Variants in ACMSD observed in about 807,000 individuals in gnomAD.
The protein encoded by ACMSD is aminocarboxymuconate semialdehyde decarboxylase.
In ACMSD, 37 loss-of-function variants were observed where a neutral mutation model predicts 45.9. That is an observed-to-expected ratio of 0.81 (90% CI 0.62 to 1.06). The LOEUF is 1.06. ACMSD is among the 50% of genes least tolerant of loss of function. The pLI is 0.00. For synonymous variants in ACMSD, 138 were observed against 148.8 expected (o/e 0.93, Z 0.53); for missense variants, 434 against 420.9 (o/e 1.03, Z -0.27).
chr2:134,868,862 A>G (rs1688270444), intron 6 of ACMSD: 1 of 152,198 alleles, frequency 6.6e-6, no homozygotes, highest in South Asian at 2.1e-4. Flanking sequence ...TAAATGGGGC[A>G]ATATATTGGA....
intron 2 of ACMSD, among the ~76,000 whole-genome samples, chr2:134,850,936 C>T (rs1431269963): frequency 6.6e-6 from 1 of 152,154 alleles, no homozygotes; most frequent in Non-Finnish European, 1.5e-5. Context: ...TTTCTCAGGC[C>T]TTGTCTCCTC....
intron 8 of ACMSD, among the ~76,000 whole-genome samples, chr2:134,874,363 T>A (rs1688624630): frequency 6.6e-6 from 1 of 152,210 alleles, no homozygotes; most frequent in Admixed American, 6.5e-5. Flanking sequence ...CGGTATATAT[T>A]AATAATTTAG....
At chr2:134,838,862 T>A (rs1686654613) in intron 1 of ACMSD, 123 bp downstream of exon 1, 1 of 609,562 alleles carries the variant, frequency 1.6e-6, no homozygotes. Context: ...GGGGGTTAAA[T>A]CATTTGGTAG....
intron 8 of ACMSD, among the ~76,000 whole-genome samples, chr2:134,895,948 T>C (rs1573730377): frequency 6.6e-6 from 1 of 152,096 alleles, no homozygotes; most frequent in East Asian, 1.9e-4. Context: ...TTCAAAACTT[T>C]CTACACAACT....
At chr2:134,859,612 TTTA>T (rs1687753626) in intron 3 of ACMSD, 1 of 321,664 alleles carries the variant, frequency 3.1e-6, no homozygotes, top group Non-Finnish European at 5.6e-6. Flanking sequence ...AAAATGGCAT[TTTA>T]TTATTTTTAA....
At chr2:134,855,212 C>T (rs1687525610) in intron 2 of ACMSD, among the ~76,000 whole-genome samples, 2 of 152,132 alleles carry the variant, frequency 1.3e-5, no homozygotes, top group South Asian at 4.1e-4. Flanking sequence ...ATTTTAAGCC[C>T]CTCAAGAACT....
chr2:134,863,692 TG>T (rs971403638), intron 5 of ACMSD, 61 bp downstream of exon 5: 42 of 1,560,760 alleles, frequency 2.7e-5, no homozygotes, highest in Admixed American at 6.8e-5. Context: ...GGGGCACCGC[TG>T]GGTGCTGGCA....
chr2:134,889,640 G>T (rs1206753063), intron 8 of ACMSD, among the ~76,000 whole-genome samples: 1 of 152,124 alleles, frequency 6.6e-6, no homozygotes, highest in Non-Finnish European at 1.5e-5. Flanking sequence ...AGTAAAGGAT[G>T]ATTTAAAGTA....
chr2:134,845,519 CT>C (rs1418081450), intron 2 of ACMSD, among the ~76,000 whole-genome samples: 3 of 143,156 alleles, frequency 2.1e-5, no homozygotes, highest in South Asian at 2.2e-4. Flanking sequence ...GTCTCTCTCT[CT>C]CTCTCTCTCT....
chr2:134,879,931 C>T (rs1300216538), intron 8 of ACMSD, among the ~76,000 whole-genome samples: 1 of 152,134 alleles, frequency 6.6e-6, no homozygotes, highest in Non-Finnish European at 1.5e-5. Flanking sequence ...CATTGGATTC[C>T]TTGTTTGCTG....
intron 8 of ACMSD, among the ~76,000 whole-genome samples, chr2:134,894,655 C>G (rs1482210077): frequency 1.3e-5 from 2 of 152,124 alleles, no homozygotes; most frequent in Non-Finnish European, 2.9e-5. Context: ...AAACCCACAA[C>G]TAACATCACA....
At chr2:134,845,782 T>C (rs577877468) in intron 2 of ACMSD, among the ~76,000 whole-genome samples, 74 of 152,184 alleles carry the variant, frequency 4.9e-4, no homozygotes, top group Non-Finnish European at 8.8e-4. Context: ...AAGAAGGCTG[T>C]GGGCAAAGCC....
intron 1 of ACMSD, 41 bp from the exon 2 acceptor site, chr2:134,845,192 T>C: frequency 6.2e-7 from 1 of 1,613,216 alleles, no homozygotes; most frequent in East Asian, 2.2e-5. Flanking sequence ...TGCAGCCTGG[T>C]CTTTGCTCTT....
At chr2:134,844,897 G>C (rs919198345) in intron 1 of ACMSD, among the ~76,000 whole-genome samples, 2 of 152,116 alleles carry the variant, frequency 1.3e-5, no homozygotes, top group African/African-American at 4.8e-5. Flanking sequence ...TGGTCCTTAG[G>C]AGCTATGTAC....
At chr2:134,881,362 T>C (rs1334233423) in intron 8 of ACMSD, among the ~76,000 whole-genome samples, 1 of 152,224 alleles carries the variant, frequency 6.6e-6, no homozygotes, top group East Asian at 1.9e-4. Flanking sequence ...AAAGTATTTT[T>C]ATTTTGTAGT....
chr2:134,887,858 C>A (rs192458421), intron 8 of ACMSD, among the ~76,000 whole-genome samples: 1 of 152,254 alleles, frequency 6.6e-6, no homozygotes, highest in African/African-American at 2.4e-5. Context: ...ACCAGCCATA[C>A]ACAAAACTTA....
At chr2:134,899,997 T>C (rs780249510) in intron 9 of ACMSD, among the ~76,000 whole-genome samples, 4 of 152,084 alleles carry the variant, frequency 2.6e-5, no homozygotes, top group Non-Finnish European at 4.4e-5. Context: ...AAGAAACTGA[T>C]CAAACTCTGG....
chr2:134,893,786 A>C (rs1403612125), intron 8 of ACMSD, among the ~76,000 whole-genome samples: 1 of 152,262 alleles, frequency 6.6e-6, no homozygotes, highest in Non-Finnish European at 1.5e-5. Flanking sequence ...AGACATTTCT[A>C]GATGAAACAA....
chr2:134,838,868 G>T lies in ACMSD; in HGVS notation c.57+129G>T. On this transcript the variant is annotated intron_variant, in intron 1 of 9. Coordinates refer to ENST00000356140, the MANE Select transcript of ACMSD (RefSeq NM_138326.3). Reference sequence around the variant, plus strand: ...GGGGGGCGAGGGGGTTAAATCATTTGGTAGTTCTGATTTTCTAGCTTTTAA... The same window carrying T: ...GGGGGGCGAGGGGGTTAAATCATTTTGTAGTTCTGATTTTCTAGCTTTTAA... 5.4e-6 allele frequency: 3 copies of T among 551,890 alleles called. No homozygotes were observed. The South Asian group carries it at 1.1e-4, about 21-fold the overall frequency. 34.2% of individuals were successfully genotyped at this position (551,890 alleles called of 1,614,324 possible).
Sources: gnomAD v4.1 joint callset for allele counts (sites outside exome capture counted in the v4.1 genomes callset) on GRCh38, gnomAD v4.1.1 for gene constraint, MANE v1.5 for transcripts, NCBI Gene and HGNC (gene_info 2026-07-23, HGNC 2026-07-21) for gene names.